Variants in NIN observed in about 807,000 individuals in gnomAD.
The protein encoded by NIN is glycogen synthase kinase 3 beta-interacting protein.
Under a neutral mutation model 257.6 loss-of-function variants are expected in NIN, and 137 were observed. The ratio of observed to expected loss-of-function variants is 0.53; its 90% CI spans 0.46 to 0.61. The LOEUF (loss-of-function observed/expected upper bound fraction) is 0.61, where lower values mean the gene tolerates loss of function less well. Among genes scored for constraint, NIN ranks in the 20% least tolerant of loss-of-function variants. NIN has a pLI of 0.00. For synonymous variants in NIN, 918 were observed against 919.8 expected, an observed-to-expected ratio of 1.00 and a Z score of 0.04; for missense variants, 2,439 against 2,501.2, an observed-to-expected ratio of 0.98 and a Z score of 0.53.
intron 5 of NIN, among the ~76,000 whole-genome samples, chr14:50,781,425 C>T (rs1283381761): frequency 1.3e-5 from 2 of 152,234 alleles, no homozygotes; most frequent in Non-Finnish European, 2.9e-5. Flanking sequence ...GGCTCATTTA[C>T]TTCTCAGTTC....
Position 50,824,172 on chromosome 14 carries a change from C to T in NIN, c.-21-2095G>A, listed in dbSNP as rs568224251. ...AAAGCGAAAGAATTCTAACACTTCC[C>T]TTTTTAAAAATTATTTTTAAGGGGC... On this transcript the variant is annotated intron_variant, in intron 2 of 30. Transcript: ENST00000530997. Among the ~76,000 whole-genome samples the T allele has an allele frequency of 9.9e-5, 15 of 152,266 alleles. 1 individual carries two copies. In the South Asian group the frequency reaches 3.1e-3, roughly 32 times the overall value.
At chr14:50,799,989 A>C (rs951472472) in intron 4 of NIN, among the ~76,000 whole-genome samples, 2 of 145,490 alleles carry the variant, frequency 1.4e-5, no homozygotes, top group African/African-American at 5.1e-5. Flanking sequence ...AACAAAAAAC[A>C]AACAATATAT....
chr14:50,827,409 T>C (rs1050080631), intron 2 of NIN, among the ~76,000 whole-genome samples: 4 of 152,026 alleles, frequency 2.6e-5, no homozygotes, highest in Non-Finnish European at 5.9e-5. Context: ...TACAAAAATA[T>C]AACACGAAAG....
rs756145157 is a variant in NIN at position 50,758,533 on chromosome 14, G to A, written c.2497C>T (p.Leu833=). Residue 833 remains leucine (L), a synonymous_variant, in exon 18 of 31, where the codon CTG becomes TTG. Transcript: ENST00000530997. ...QKVTERCESA[L]QSLEGRYRQE... is the part of the protein sequence containing the mutation. ...CGGTAGCGCCCCTCCAGGCTTTGCA[G>A]AGCGCTTTCACACCTCTCAGTGACT... is the stretch of plus-strand genomic sequence containing the variant. 7.2e-5 allele frequency: 116 copies of A among 1,614,054 alleles called. No homozygotes were observed. Among genetic ancestry groups the A allele is most frequent in the Non-Finnish European group, 9.8e-5 (116 of 1,180,022 alleles).
chr14:50,820,625 G>A (rs774673831), intron 3 of NIN, among the ~76,000 whole-genome samples: 7 of 152,112 alleles, frequency 4.6e-5, no homozygotes, highest in Middle Eastern at 3.2e-3. Flanking sequence ...TTCAATCTTC[G>A]AAGCTTCATT....
intron 4 of NIN, among the ~76,000 whole-genome samples, chr14:50,796,057 G>C (rs1423858737): frequency 6.6e-6 from 1 of 152,230 alleles, no homozygotes; most frequent in African/African-American, 2.4e-5. Context: ...CAGTGTTTCA[G>C]TGTTTGAGTT....
intron 5 of NIN, among the ~76,000 whole-genome samples, chr14:50,784,891 G>A (rs531877634): frequency 6.6e-6 from 1 of 152,314 alleles, no homozygotes; most frequent in African/African-American, 2.4e-5. Flanking sequence ...GGCTCGCAGA[G>A]GCTGCCTTGT....
At chr14:50,804,351 C>T (rs1409737744) in intron 4 of NIN, among the ~76,000 whole-genome samples, 1 of 152,206 alleles carries the variant, frequency 6.6e-6, no homozygotes, top group East Asian at 1.9e-4. Flanking sequence ...GAAAGGCTGA[C>T]TCATGTCTCA....
intron 21 of NIN, among the ~76,000 whole-genome samples, chr14:50,752,040 T>A (rs1014855284): frequency 1.3e-4 from 20 of 152,114 alleles, no homozygotes; most frequent in Admixed American, 2.6e-4. Context: ...AAACTTTTTT[T>A]AACATATAAT....
chr14:50,826,429 A>G (rs1012451102), intron 2 of NIN, among the ~76,000 whole-genome samples: 39 of 152,198 alleles, frequency 2.6e-4, no homozygotes, highest in Non-Finnish European at 1.8e-4. Flanking sequence ...AACCACCCAT[A>G]ATGACAATTA....
intron 17 of NIN, among the ~76,000 whole-genome samples, chr14:50,759,528 CT>C (rs2042184278): frequency 6.7e-6 from 1 of 149,776 alleles, no homozygotes; most frequent in Non-Finnish European, 1.5e-5. Context: ...GAGTCTCGCT[CT>C]GTCGCCCAGG....
rs1328639081 is a variant in NIN at position 50,758,468 on chromosome 14, C to A, written c.2562G>T (p.Glu854Asp). ...LKDLQEQQRE[E>D]KSQWEFEKDE... Reference sequence around the variant, plus strand: ...CCTTCTCAAATTCCCACTGGGATTTCTCCTCACGCTGCTGTTCCTGGAGGT... The same window carrying A: ...CCTTCTCAAATTCCCACTGGGATTTATCCTCACGCTGCTGTTCCTGGAGGT... Residue 854 changes from glutamate (E) to aspartate (D), a missense_variant, in exon 18 of 31, where the codon GAG (glutamate) becomes GAT (aspartate). By Grantham distance (45) the Glu-to-Asp change is conservative. Transcript: ENST00000530997. 2 of 1,614,096 alleles carry A rather than the reference C, an allele frequency of 1.2e-6. No homozygotes were observed.
rs1241228205 is a variant in NIN, at chr14:50,720,812, A to G, written c.*2651T>C. On this transcript the variant is annotated 3_prime_UTR_variant, in exon 31 of 31. Coordinates refer to ENST00000530997, the MANE Select transcript of NIN (RefSeq NM_020921.4). ...TCCACATTTTCCTTTTCTTAGTGTAACGTATTATCTCAAAGGCAAACTTGA... is the reference window on the plus strand; with the variant it reads ...TCCACATTTTCCTTTTCTTAGTGTAGCGTATTATCTCAAAGGCAAACTTGA... The G allele has an allele frequency of 5.0e-6, 1 of 201,704 alleles. No homozygotes were observed. Among genetic ancestry groups the G allele is most frequent in the Non-Finnish European group, 1.0e-5 (1 of 98,062 alleles). 12.5% of individuals were successfully genotyped at this position (201,704 alleles called of 1,614,324 possible).
At chr14:50,796,414 C>A (rs962329978) in intron 4 of NIN, among the ~76,000 whole-genome samples, 1 of 152,160 alleles carries the variant, frequency 6.6e-6, no homozygotes, top group Non-Finnish European at 1.5e-5. Flanking sequence ...GAGTGACAGT[C>A]TCTACAGAGC....
At position 50,756,802 on chromosome 14, in the gene NIN, C is replaced by A; in HGVS notation, c.4228G>T (p.Ala1410Ser). ...GTCTGAATTGTTCCATGTAACCAGG[C>A]AATTTCATGTGCTTTTACTTTTTCC... ...LLEKVKAHEI[A>S]WLHGTIQTHQ... Residue 1410 changes from alanine to serine, a missense_variant, in exon 18 of 31, where the codon GCC (alanine) becomes TCC (serine). Physicochemically the swap from Ala to Ser is moderately conservative, Grantham distance 99. Around this residue, in one of 3 missense-constraint regions of NIN, gnomAD observed 2,043 missense variants for 2,050.2 expected, o/e 1.00. Transcript: ENST00000530997. 1 of 1,551,614 alleles carries A rather than the reference C, an allele frequency of 6.4e-7. No individual in the cohort carries two copies. Among genetic ancestry groups the A allele is most frequent in the Non-Finnish European group, 8.7e-7 (1 of 1,146,948 alleles).
intron 3 of NIN, among the ~76,000 whole-genome samples, chr14:50,816,261 C>A (rs527891136): frequency 2.6e-4 from 39 of 152,196 alleles, no homozygotes; most frequent in South Asian, 1.2e-3. Flanking sequence ...GGATGCCAGG[C>A]TTAATACCTA....
chr14:50,801,025 G>A (rs1269786025), intron 4 of NIN, among the ~76,000 whole-genome samples: 2 of 148,796 alleles, frequency 1.3e-5, no homozygotes, highest in African/African-American at 5.0e-5. Context: ...CTTGTGATCC[G>A]GAGTGATCCC....
rs185029649 is a variant in NIN at position 50,757,460 on chromosome 14, C to A, written c.3570G>T (p.Arg1190Ser). ...FSELENSEETRTESWELKNQI... is the reference protein window; with the variant it reads ...FSELENSEETSTESWELKNQI... ...GATTCTTCAGCTCCCAGGATTCAGT[C>A]CTGGTCTCTTCACTGTTTTCAAGCT... The change falls in exon 18 of 31, where the codon AGG becomes AGT. Residue 1190 changes from arginine to serine, a missense_variant. Physicochemically the swap from Arg to Ser is moderately radical, Grantham distance 110. Coordinates refer to ENST00000530997, the MANE Select transcript of NIN (RefSeq NM_020921.4). 15 of 1,614,134 alleles carry A rather than the reference C, an allele frequency of 9.3e-6. No individual in the cohort carries two copies. In the Admixed American group the frequency reaches 2.5e-4, roughly 27 times the overall value.
chr14:50,741,797 A>C lies in NIN; in HGVS notation c.5302-69T>G, dbSNP rs923844759. On this transcript the variant is annotated intron_variant, in intron 24 of 30. Transcript: ENST00000530997. ...GGTCTCACCTCTAGCATGTTCAGGAATGAATAAGGACAAAAGAACTTTCAA... is the reference window on the plus strand; with the variant it reads ...GGTCTCACCTCTAGCATGTTCAGGACTGAATAAGGACAAAAGAACTTTCAA... 79 of 1,526,710 alleles carry C rather than the reference A, an allele frequency of 5.2e-5. 1 individual carries two copies. In the African/African-American group the frequency reaches 7.5e-4, roughly 14 times the overall value. The allele number at this position is 1,526,710 out of a possible 1,614,324, so 94.6% of individuals were successfully genotyped here.
Sources: allele counts gnomAD v4.1 joint callset (sites outside exome capture counted in the v4.1 genomes callset), GRCh38; gene constraint gnomAD v4.1.1; regional missense constraint gnomAD v4.1.1; transcripts MANE v1.5; gene names NCBI Gene and HGNC (gene_info 2026-07-23, HGNC 2026-07-21).